ZBTB7C: variants seen among roughly 807,000 people sequenced by gnomAD.
ZBTB7C encodes zinc finger and BTB domain-containing protein 7C.
ZBTB7C carries 8 observed loss-of-function variants against 25.7 expected under a neutral mutation model. That is an observed-to-expected ratio of 0.31 (90% CI 0.18 to 0.56). The LOEUF (loss-of-function observed/expected upper bound fraction) is 0.56, where lower values mean the gene tolerates loss of function less well. ZBTB7C is among the 20% of genes least tolerant of loss of function. The probability of loss-of-function intolerance (pLI) is 0.91; values close to 1 mark genes in which losing one functional copy is unlikely to be tolerated. For missense variants in ZBTB7C, 824 were observed against 855.2 expected (o/e 0.96, Z 0.46); for synonymous variants, 394 against 369.0 (o/e 1.07, Z -0.78).
chr18:48,256,004 T>C (rs569553163), intron 2 of ZBTB7C, among the ~76,000 whole-genome samples: 1 of 152,276 alleles, frequency 6.6e-6, no homozygotes, highest in African/African-American at 2.4e-5. Flanking sequence ...AAAAGTGCAC[T>C]GTGGGGACAA....
At chr18:48,190,739 A>AGCT (rs2042174367) in intron 2 of ZBTB7C, among the ~76,000 whole-genome samples, 1 of 152,156 alleles carries the variant, frequency 6.6e-6, no homozygotes, top group African/African-American at 2.4e-5. Context: ...GCAGGCCCTG[A>AGCT]GCTGAGCACA....
At chr18:48,167,669 C>T (rs2041313857) in intron 3 of ZBTB7C, among the ~76,000 whole-genome samples, 1 of 152,094 alleles carries the variant, frequency 6.6e-6, no homozygotes. Context: ...CAACCTTTCT[C>T]CCCCTTGCCA....
chr18:48,183,421 T>C (rs1367946018), intron 3 of ZBTB7C, among the ~76,000 whole-genome samples: 2 of 152,232 alleles, frequency 1.3e-5, no homozygotes, highest in Non-Finnish European at 2.9e-5. Flanking sequence ...CTGGTACTTT[T>C]GAATTTAGAG....
intron 3 of ZBTB7C, among the ~76,000 whole-genome samples, chr18:48,063,134 C>T (rs917978327): frequency 6.6e-6 from 1 of 152,224 alleles, no homozygotes; most frequent in African/African-American, 2.4e-5. Flanking sequence ...CCAGGACTTT[C>T]CTGGTTGAAG....
intron 3 of ZBTB7C, among the ~76,000 whole-genome samples, chr18:48,133,598 G>A (rs1257567217): frequency 6.0e-5 from 8 of 134,014 alleles, no homozygotes; most frequent in Middle Eastern, 7.2e-3. Flanking sequence ...CATTCCCCAC[G>A]CTATTTTTTT....
intron 3 of ZBTB7C, among the ~76,000 whole-genome samples, chr18:48,123,607 T>C (rs1477015911): frequency 6.6e-6 from 1 of 152,168 alleles, no homozygotes; most frequent in Non-Finnish European, 1.5e-5. Context: ...CCCTGAACAC[T>C]CCTAACAAAC....
chr18:48,137,120 C>A (rs1025281655), intron 3 of ZBTB7C: 5 of 985,470 alleles, frequency 5.1e-6, no homozygotes, highest in Non-Finnish European at 6.0e-6. Flanking sequence ...CCGCAGCCGG[C>A]GGGAGGTTGT....
intron 2 of ZBTB7C, among the ~76,000 whole-genome samples, chr18:48,324,637 G>A (rs1402643682): frequency 6.6e-6 from 1 of 152,172 alleles, no homozygotes; most frequent in African/African-American, 2.4e-5. Context: ...CTGATGAGGT[G>A]AGCAGAACCT....
chr18:48,363,955 C>G (rs1444489596), intron 1 of ZBTB7C, among the ~76,000 whole-genome samples: 1 of 152,116 alleles, frequency 6.6e-6, no homozygotes, highest in Admixed American at 6.5e-5. Context: ...CCCATACCCA[C>G]TCCACCCCTC....
intron 1 of ZBTB7C, among the ~76,000 whole-genome samples, chr18:48,384,396 G>A (rs1203086024): frequency 6.6e-6 from 1 of 152,260 alleles, no homozygotes; most frequent in Non-Finnish European, 1.5e-5. Flanking sequence ...GACTGGTGAA[G>A]CTATATAGAG....
intron 3 of ZBTB7C, among the ~76,000 whole-genome samples, chr18:48,091,221 G>T (rs993340173): frequency 6.9e-6 from 1 of 145,928 alleles, no homozygotes; most frequent in African/African-American, 2.5e-5. Context: ...ACAGGCATGT[G>T]CCACTATGCC....
chr18:48,028,828 G>A lies in ZBTB7C; in HGVS notation c.*432C>T. On this transcript the variant is annotated 3_prime_UTR_variant, in exon 5 of 5. Transcript: ENST00000590800. ...AAAATGAGCCCTCAGAGGAGTGTTG[G>A]CAGAGACTTTGCCATAGGGGGTGGG... The A allele has an allele frequency of 5.8e-6, 1 of 171,510 alleles. No individual in the cohort carries two copies. The highest frequency in any genetic ancestry group is 1.2e-5 in the Non-Finnish European group (1 of 82,322). The allele number at this position is 171,510 out of a possible 1,614,324, so 10.6% of individuals were successfully genotyped here.
At chr18:48,398,976 T>C (rs1388739444) in intron 1 of ZBTB7C, among the ~76,000 whole-genome samples, 1 of 152,224 alleles carries the variant, frequency 6.6e-6, no homozygotes, top group East Asian at 1.9e-4. Context: ...AAGGATCCCT[T>C]TCATACAAAA....
chr18:48,173,091 T>C (rs922934716), intron 3 of ZBTB7C, among the ~76,000 whole-genome samples: 1 of 152,226 alleles, frequency 6.6e-6, no homozygotes, highest in Non-Finnish European at 1.5e-5. Flanking sequence ...CTTCCCAAGA[T>C]GTTGCCAGAC....
intron 2 of ZBTB7C, among the ~76,000 whole-genome samples, chr18:48,334,379 G>A (rs868458552): frequency 4.9e-4 from 74 of 152,170 alleles, no homozygotes; most frequent in African/African-American, 1.6e-3. Flanking sequence ...ACACCTAGTT[G>A]AGTCCTATGG....
At chr18:48,106,506 G>A (rs2039033032) in intron 3 of ZBTB7C, among the ~76,000 whole-genome samples, 1 of 152,156 alleles carries the variant, frequency 6.6e-6, no homozygotes, top group African/African-American at 2.4e-5. Context: ...AACTCAAAAG[G>A]AGAAGTGTAT....
chr18:48,364,460 C>T (rs2047179808), intron 1 of ZBTB7C, among the ~76,000 whole-genome samples: 1 of 152,080 alleles, frequency 6.6e-6, no homozygotes, highest in African/African-American at 2.4e-5. Flanking sequence ...ACAGGAAATT[C>T]CAGATGGGAG....
chr18:48,036,539 G>T (rs1246972694), intron 4 of ZBTB7C, among the ~76,000 whole-genome samples: 1 of 152,210 alleles, frequency 6.6e-6, no homozygotes, highest in African/African-American at 2.4e-5. Flanking sequence ...AGGAAATGGG[G>T]CTTTGCCAGG....
At chr18:48,065,159 G>A (rs530522519) in intron 3 of ZBTB7C, among the ~76,000 whole-genome samples, 33 of 150,594 alleles carry the variant, frequency 2.2e-4, no homozygotes, top group African/African-American at 6.9e-4. Context: ...CGCACACAGC[G>A]CTAGGCCCAG....
Sources: allele counts gnomAD v4.1 joint callset (sites outside exome capture counted in the v4.1 genomes callset), GRCh38; gene constraint gnomAD v4.1.1; transcripts MANE v1.5; gene names NCBI Gene and HGNC (gene_info 2026-07-23, HGNC 2026-07-21).